Variants in LRRC27 observed in about 807,000 individuals in gnomAD.
The protein encoded by LRRC27 is leucine-rich repeat-containing protein 27.
LRRC27 carries 57 observed loss-of-function variants against 55.0 expected under a neutral mutation model. That is an observed-to-expected ratio of 1.04 (90% confidence interval 0.84 to 1.29). The LOEUF (loss-of-function observed/expected upper bound fraction) is 1.29, where lower values mean the gene tolerates loss of function less well. Among genes scored for constraint, LRRC27 ranks in the 50% most tolerant of loss-of-function variants. The probability of loss-of-function intolerance (pLI) is 0.00; values close to 1 mark genes in which losing one functional copy is unlikely to be tolerated. For missense variants in LRRC27, 721 were observed against 651.5 expected, an observed-to-expected ratio of 1.11 and a Z score of -1.16; for synonymous variants, 278 against 251.9, an observed-to-expected ratio of 1.10 and a Z score of -0.98.
chr10:132,356,148 G>C (rs1010365873), intron 8 of LRRC27, among the ~76,000 whole-genome samples: 1 of 152,244 alleles, frequency 6.6e-6, no homozygotes, highest in Non-Finnish European at 1.5e-5. Flanking sequence ...TCCCACCCCA[G>C]CCTTGAGGGC....
intron 3 of LRRC27, among the ~76,000 whole-genome samples, chr10:132,341,993 C>T (rs1256289053): frequency 6.6e-6 from 1 of 152,212 alleles, no homozygotes; most frequent in African/African-American, 2.4e-5. Context: ...ACACCACCAC[C>T]CCTATGGACT....
intron 5 of LRRC27, among the ~76,000 whole-genome samples, chr10:132,346,126 CAGAG>C (rs918462319): frequency 7.2e-5 from 11 of 152,300 alleles, no homozygotes; most frequent in African/African-American, 2.4e-4. Flanking sequence ...GCACCCCAGA[CAGAG>C]AGGCGAGGGC....
chr10:132,338,594 T>A (rs1219756032), intron 3 of LRRC27, among the ~76,000 whole-genome samples: 1 of 152,114 alleles, frequency 6.6e-6, no homozygotes, highest in East Asian at 1.9e-4. Flanking sequence ...CTACTCTCAC[T>A]ATGGAGACGT....
intron 7 of LRRC27, chr10:132,352,894 C>A: frequency 6.2e-7 from 1 of 1,613,984 alleles, no homozygotes; most frequent in African/African-American, 1.3e-5. Context: ...CTTTCCTCCT[C>A]ATTTTCCCTA....
chr10:132,337,400 C>G, intron 2 of LRRC27, 165 bp from the exon 3 acceptor site: 2 of 1,399,006 alleles, frequency 1.4e-6, no homozygotes, highest in East Asian at 5.1e-5. Flanking sequence ...ATTCTTTTGT[C>G]TACTGTTTAC....
intron 2 of LRRC27, among the ~76,000 whole-genome samples, chr10:132,336,295 C>T (rs1280958019): frequency 6.6e-6 from 1 of 152,234 alleles, no homozygotes; most frequent in African/African-American, 2.4e-5. Context: ...GAGGCATGCA[C>T]ATGCCTGTAT....
intron 2 of LRRC27, 154 bp from the exon 3 acceptor site, chr10:132,337,411 A>G (rs2067188718): frequency 1.3e-5 from 19 of 1,420,000 alleles, no homozygotes; most frequent in Non-Finnish European, 1.6e-5. Flanking sequence ...TACTGTTTAC[A>G]TCTTTTAAGG....
In LRRC27 at chr10:132,342,227, T is replaced by C. The variant is rs1333973882; in HGVS notation, c.356T>C (p.Leu119Ser). The C allele has an allele frequency of 1.2e-5, 18 of 1,553,964 alleles. No homozygotes were observed. Among genetic ancestry groups the C allele is most frequent in the Non-Finnish European group, 1.6e-5 (18 of 1,148,568 alleles). Residue 119 changes from leucine to serine, a missense_variant, in exon 4 of 11, where the codon TTG becomes TCG. Transcript: ENST00000368614. ...TTGCTTTAAAGGCATTTGAAAACTT[T>C]GCTTTTAGAAAGAAATCCTATCAAA... ...GIGAHQHLKTLLLERNPIKML... is the reference protein window; with the variant it reads ...GIGAHQHLKTSLLERNPIKML...
chr10:132,334,647 C>A (rs1353182454), intron 2 of LRRC27, among the ~76,000 whole-genome samples: 4 of 152,206 alleles, frequency 2.6e-5, no homozygotes, highest in Non-Finnish European at 5.9e-5. Flanking sequence ...CACGGCAGCG[C>A]TGGTCTTGCT....
At chr10:132,343,429 A>G (rs975997153) in intron 4 of LRRC27, among the ~76,000 whole-genome samples, 4 of 152,258 alleles carry the variant, frequency 2.6e-5, no homozygotes, top group African/African-American at 9.6e-5. Context: ...TTTTAGAGAA[A>G]ACAGAATAGC....
intron 7 of LRRC27, among the ~76,000 whole-genome samples, chr10:132,353,871 C>T (rs1044466063): frequency 6.6e-6 from 1 of 152,262 alleles, no homozygotes; most frequent in African/African-American, 2.4e-5. Flanking sequence ...CCTCCCCTCA[C>T]TGTGTGCCTC....
At chr10:132,367,371 A>G (rs2069122035) in intron 10 of LRRC27, among the ~76,000 whole-genome samples, 1 of 152,252 alleles carries the variant, frequency 6.6e-6, no homozygotes, top group Non-Finnish European at 1.5e-5. Context: ...GAAGACAGAA[A>G]CAGAGAGAAA....
At position 132,378,209 on chromosome 10, in the gene LRRC27, ATTTGTT is replaced by A. The variant is rs2069363303; in HGVS notation, c.*2968_*2973del. 1 of 150,664 alleles carries A rather than the reference ATTTGTT, an allele frequency of 6.6e-6. No homozygotes were observed. Among genetic ancestry groups the A allele is most frequent in the Non-Finnish European group, 1.5e-5 (1 of 67,660 alleles). 9.3% of individuals were successfully genotyped at this position (150,664 alleles called of 1,614,324 possible). ...AAAAAAAGATTCAATGTTCATTGTT[ATTTGTT>A]GCTCCTTTGAAGGTAATGGGTCTTT... On this transcript the variant is annotated 3_prime_UTR_variant, in exon 11 of 11. Coordinates refer to ENST00000368614, the MANE Select transcript of LRRC27 (RefSeq NM_030626.3).
At chr10:132,336,596 A>G (rs2138610140) in intron 2 of LRRC27, among the ~76,000 whole-genome samples, 1 of 152,348 alleles carries the variant, frequency 6.6e-6, no homozygotes, top group East Asian at 1.9e-4. Context: ...AAGGCAACGT[A>G]ATCACAACAG....
At chr10:132,335,543 C>T (rs955352306) in intron 2 of LRRC27, among the ~76,000 whole-genome samples, 4 of 139,148 alleles carry the variant, frequency 2.9e-5, no homozygotes, top group African/African-American at 1.1e-4. Flanking sequence ...GGGCGCAGGT[C>T]CCTCCCCCAG....
intron 8 of LRRC27, among the ~76,000 whole-genome samples, chr10:132,358,873 CAGTGTGGGGAGG>C (rs2068460455): frequency 1.8e-3 from 1 of 546 alleles, no homozygotes; most frequent in Non-Finnish European, 3.0e-3. Flanking sequence ...GGTGGTGGAG[CAGTGTGGGGAGG>C]AGCCGAGGTG....
chr10:132,354,969 G>A (rs1352452329), intron 7 of LRRC27, among the ~76,000 whole-genome samples: 3 of 152,240 alleles, frequency 2.0e-5, no homozygotes, highest in Non-Finnish European at 4.4e-5. Flanking sequence ...CCCAGCCGCA[G>A]ATGTGGGCGT....
chr10:132,341,855 G>A (rs899839279), intron 3 of LRRC27, among the ~76,000 whole-genome samples: 2 of 152,226 alleles, frequency 1.3e-5, no homozygotes, highest in African/African-American at 4.8e-5. Context: ...TTAACGGGGA[G>A]ATTTTACCCC....
In LRRC27 at chr10:132,333,615, C is replaced by T. The variant is rs201674338; in HGVS notation, c.91C>T (p.Pro31Ser). 64 of 1,612,956 alleles carry T rather than the reference C, an allele frequency of 4.0e-5. No individual in the cohort carries two copies. In the Admixed American group the frequency reaches 8.7e-4, roughly 22 times the overall value. ...AGQTRSLPAT[P>S]SKDVHKGVGG... is the part of the protein sequence containing the mutation. ...TCAGACTAGGAGCTTGCCTGCCACCCCCTCCAAAGATGTTCACAAGGGTGT... is the reference window on the plus strand; with the variant it reads ...TCAGACTAGGAGCTTGCCTGCCACCTCCTCCAAAGATGTTCACAAGGGTGT... The change falls in exon 2 of 11, where the codon CCC becomes TCC. Residue 31 changes from proline (P) to serine (S), a missense_variant. Transcript: ENST00000368614.
Sources: allele counts gnomAD v4.1 joint callset (sites outside exome capture counted in the v4.1 genomes callset), GRCh38; gene constraint gnomAD v4.1.1; transcripts MANE v1.5; gene names NCBI Gene and HGNC (gene_info 2026-07-23, HGNC 2026-07-21).